Variants in RGS12 observed in about 807,000 individuals in gnomAD.
RGS12 encodes the protein regulator of G-protein signaling 12.
RGS12 carries 66 observed loss-of-function variants against 120.1 expected under a neutral mutation model. The ratio of observed to expected loss-of-function variants is 0.55; its 90% confidence interval spans 0.45 to 0.67. The LOEUF (loss-of-function observed/expected upper bound fraction) is 0.67. RGS12 is among the 30% of genes least tolerant of loss of function. The pLI, the probability that RGS12 is intolerant of heterozygous loss-of-function variation, is 0.00. For missense variants in RGS12, 1,859 were observed against 1,957.7 expected (o/e 0.95, Z 0.95); for synonymous variants, 827 against 804.7 (o/e 1.03, Z -0.47).
chr4:3,301,446 G>A (rs1033310632), intron 1 of RGS12, among the ~76,000 whole-genome samples: 3 of 152,222 alleles, frequency 2.0e-5, no homozygotes, highest in African/African-American at 4.8e-5. Context: ...ACCAGGTGTC[G>A]GTGAATAGGA....
chr4:3,423,768 C>T (rs1044705719), intron 13 of RGS12, 127 bp downstream of exon 13: 2 of 1,250,546 alleles, frequency 1.6e-6, no homozygotes, highest in East Asian at 5.2e-5. Context: ...GGTTGTCCCC[C>T]TTGGAGGAGA....
intron 3 of RGS12, among the ~76,000 whole-genome samples, chr4:3,376,171 T>A (rs1392630063): frequency 6.6e-6 from 1 of 152,168 alleles, no homozygotes; most frequent in Non-Finnish European, 1.5e-5. Context: ...CTGCTGCTGC[T>A]TTGAAAGGCT....
intron 1 of RGS12, among the ~76,000 whole-genome samples, chr4:3,303,663 C>T (rs1049228845): frequency 1.3e-5 from 2 of 152,184 alleles, no homozygotes; most frequent in African/African-American, 2.4e-5. Flanking sequence ...TTCCCCCCGC[C>T]CCACAGACCT....
intron 3 of RGS12, among the ~76,000 whole-genome samples, chr4:3,383,884 A>T (rs936374926): frequency 1.2e-4 from 19 of 152,142 alleles, no homozygotes; most frequent in South Asian, 2.1e-4. Flanking sequence ...GGCCTCTGGG[A>T]CACTCCTCTC....
At chr4:3,324,485 C>T (rs941320148) in intron 2 of RGS12, 11 of 216,492 alleles carry the variant, frequency 5.1e-5, no homozygotes, top group East Asian at 1.6e-4. Context: ...GGCCAGCGTA[C>T]GCCATTGGGT....
At chr4:3,331,773 C>T (rs1377444820) in intron 2 of RGS12, among the ~76,000 whole-genome samples, 1 of 152,198 alleles carries the variant, frequency 6.6e-6, no homozygotes, top group Non-Finnish European at 1.5e-5. Flanking sequence ...GGAAGGGAGG[C>T]AGACACTGGG....
rs763156533 is a variant in RGS12 at position 3,317,672 on chromosome 4, A to G, written c.1502A>G (p.His501Arg). 1 of 1,606,420 alleles carries G rather than the reference A, an allele frequency of 6.2e-7. No individual in the cohort carries two copies. Among genetic ancestry groups the G allele is most frequent in the Non-Finnish European group, 8.5e-7 (1 of 1,175,058 alleles). ...GACAGGTTCTGGGACCTAAACAAGC[A>G]CCTAGGGCCAGCCTCTCCTGTGGAG... The part of the protein sequence containing the change: ...QTDRFWDLNK[H>R]LGPASPVEVP... Residue 501 changes from histidine (H) to arginine (R), a missense_variant, in exon 2 of 18, where the codon CAC (histidine) becomes CGC (arginine). Physicochemically the swap from His to Arg is conservative, Grantham distance 29. Coordinates refer to ENST00000336727, the MANE Select transcript of RGS12 (RefSeq NM_001394154.1).
intron 2 of RGS12, among the ~76,000 whole-genome samples, chr4:3,334,359 C>A (rs1271195090): frequency 1.3e-5 from 2 of 152,206 alleles, no homozygotes; most frequent in Admixed American, 6.5e-5. Flanking sequence ...AAATAATAGA[C>A]CATACTTGCA....
At chr4:3,420,304 G>A in intron 9 of RGS12, 2 of 381,114 alleles carry the variant, frequency 5.2e-6, no homozygotes, top group South Asian at 5.4e-5. Flanking sequence ...ATGCACCTGG[G>A]TCTGTGCTGT....
intron 1 of RGS12, among the ~76,000 whole-genome samples, chr4:3,296,925 G>T (rs75349944): frequency 0.011 from 1,659 of 152,276 alleles, 40 homozygotes; most frequent in African/African-American, 0.038. Context: ...GTTCCAAACT[G>T]GATACTCCAC....
intron 1 of RGS12, among the ~76,000 whole-genome samples, chr4:3,294,890 T>A (rs1723278473): frequency 6.6e-6 from 1 of 151,978 alleles, no homozygotes; most frequent in Non-Finnish European, 1.5e-5. Flanking sequence ...GAAAGGCCCC[T>A]CACGTGGACT....
chr4:3,363,173 G>A (rs1438028377), intron 3 of RGS12, among the ~76,000 whole-genome samples: 8 of 150,046 alleles, frequency 5.3e-5, no homozygotes, highest in Middle Eastern at 3.5e-3. Context: ...GTGAGTGTGC[G>A]TCAGTGAGTG....
intron 2 of RGS12, among the ~76,000 whole-genome samples, chr4:3,339,441 C>T (rs1283433319): frequency 7.2e-5 from 11 of 152,088 alleles, no homozygotes; most frequent in African/African-American, 2.7e-4. Context: ...ATGATCATAC[C>T]TCTCCCTCCG....
rs549615011 is a variant in RGS12 at position 3,366,792 on chromosome 4, A to C, written c.1999-19624A>C. Among the ~76,000 whole-genome samples the C allele has an allele frequency of 5.3e-5, 8 of 152,150 alleles. No individual in the cohort carries two copies. Among genetic ancestry groups the C allele is most frequent in the Non-Finnish European group, 1.2e-4 (8 of 68,018 alleles). On this transcript the variant is annotated intron_variant, in intron 3 of 17. Transcript: ENST00000336727. This position sits in a 1 kb window ranked among gnomAD's most constrained non-coding sequence, Gnocchi z 4.0. ...AACTGGTGAGAGAGGCCTGGGAGAC[A>C]GGTGAGTCTGTAAGGAGGCCCAGAG... is the stretch of plus-strand genomic sequence containing the variant.
rs1723084119 is a variant in RGS12 at position 3,422,136 on chromosome 4, C to T, written c.2839-240C>T. Among the ~76,000 whole-genome samples, 6 of 152,308 alleles carry T rather than the reference C, an allele frequency of 3.9e-5. No individual in the cohort carries two copies. The South Asian group carries it at 1.2e-3, about 32-fold the overall frequency. ...GATGTGCCTTCTGAGCACGATGGCC[C>T]TTGAGGCCCAGAGCTGAGAGAATGA... On this transcript the variant is annotated intron_variant, in intron 10 of 17. Transcript: ENST00000336727.
chr4:3,354,698 C>T (rs1422769672), intron 3 of RGS12, among the ~76,000 whole-genome samples: 4 of 152,164 alleles, frequency 2.6e-5, no homozygotes, highest in African/African-American at 9.6e-5. Context: ...TTGAAACAAA[C>T]ATCAATGAGA....
chr4:3,414,342 G>A, intron 5 of RGS12, 101 bp downstream of exon 5: 1 of 1,301,162 alleles, frequency 7.7e-7, no homozygotes, highest in African/African-American at 1.5e-5. Context: ...CACCCTGCGG[G>A]CCCTGAGCAG....
intron 3 of RGS12, among the ~76,000 whole-genome samples, chr4:3,358,582 A>G (rs2108827470): frequency 6.6e-6 from 1 of 152,062 alleles, no homozygotes; most frequent in South Asian, 2.1e-4. Flanking sequence ...TGCATCAGTT[A>G]ATGATGTGAT....
At chr4:3,388,723 G>A (rs60138308) in intron 4 of RGS12, among the ~76,000 whole-genome samples, 5,518 of 152,312 alleles carry the variant, frequency 0.036, 131 homozygotes, top group African/African-American at 0.079. Flanking sequence ...CCCACACCCT[G>A]CCCTCCACGG....
Sources: allele counts gnomAD v4.1 joint callset (sites outside exome capture counted in the v4.1 genomes callset), GRCh38; gene constraint gnomAD v4.1.1; non-coding constraint Gnocchi (gnomAD v3.1); transcripts MANE v1.5; gene names NCBI Gene and HGNC (gene_info 2026-07-23, HGNC 2026-07-21).